DMD: variants seen among roughly 807,000 people sequenced by gnomAD.
DMD encodes the protein dystrophin, also known as mutant dystrophin.
DMD carries 63 observed loss-of-function variants against 330.1 expected under a neutral mutation model. The ratio of observed to expected loss-of-function variants is 0.19; its 90% CI spans 0.16 to 0.24. The LOEUF (loss-of-function observed/expected upper bound fraction) is 0.24, where lower values mean the gene tolerates loss of function less well. Among genes scored for constraint, DMD ranks in the 10% least tolerant of loss-of-function variants. The pLI is 1.00. For missense variants in DMD, 3,344 were observed against 2,684.1 expected (o/e 1.25, Z -5.43); for synonymous variants, 1,223 against 959.8 (o/e 1.27, Z -5.07).
chrX:32,366,771 G>A (rs1367093546), intron 34 of DMD, among the ~76,000 whole-genome samples: 1 of 111,838 alleles, frequency 8.9e-6, no homozygotes, highest in African/African-American at 3.2e-5. Flanking sequence ...CTTTGGCATC[G>A]GATAAACAGG....
At chrX:31,873,920 T>A (rs1436901285) in intron 48 of DMD, among the ~76,000 whole-genome samples, 1 of 111,562 alleles carries the variant, frequency 9.0e-6, no homozygotes, top group African/African-American at 3.3e-5. Context: ...CAAGTAAGCA[T>A]CATTTACTGG....
intron 60 of DMD, among the ~76,000 whole-genome samples, chrX:31,393,869 GTTC>G (rs2060796963): frequency 8.9e-6 from 1 of 111,871 alleles, no homozygotes; most frequent in Admixed American, 9.5e-5. Flanking sequence ...ATAAACTAGC[GTTC>G]TTATCAGCCC....
At chrX:32,718,316 T>C (rs1006540253) in intron 7 of DMD, among the ~76,000 whole-genome samples, 6 of 110,844 alleles carry the variant, frequency 5.4e-5, no homozygotes, top group African/African-American at 2.0e-4. Flanking sequence ...TCTCATGATA[T>C]CTGGTTGTGT....
At position 33,010,081 on chromosome X, in the gene DMD, C is replaced by T. The variant is rs200488236; in HGVS notation, c.93+10058G>A. 5.1e-5 allele frequency among the ~76,000 whole-genome samples: 3 copies of T among 58,381 alleles called. 1 individual carries two copies. Among genetic ancestry groups the T allele is most frequent in the African/African-American group, 8.7e-5 (1 of 11,542 alleles). The allele number at this position is 58,381 out of a possible 115,157, so 50.7% of individuals were successfully genotyped here. On this transcript the variant is annotated intron_variant, in intron 2 of 78. Coordinates refer to ENST00000357033, the MANE Select transcript of DMD (RefSeq NM_004006.3). Reference sequence around the variant, plus strand: ...ACGTGTATATATACACAAATGTGCACATGTGTATATATACATGTATATGCA... The same window carrying T: ...ACGTGTATATATACACAAATGTGCATATGTGTATATATACATGTATATGCA...
chrX:32,178,975 T>TCTCTCTCC (rs1211320996), intron 44 of DMD, among the ~76,000 whole-genome samples: 2 of 97,652 alleles, frequency 2.0e-5, no homozygotes, highest in Non-Finnish European at 4.1e-5. Context: ...TCTCTCTCTC[T>TCTCTCTCC]CTCTCTCCCT....
intron 44 of DMD, among the ~76,000 whole-genome samples, chrX:32,142,504 T>G (rs936826012): frequency 8.9e-6 from 1 of 112,526 alleles, no homozygotes; most frequent in African/African-American, 3.2e-5. Context: ...GTTAAGAATA[T>G]GCACTGAATA....
intron 60 of DMD, among the ~76,000 whole-genome samples, chrX:31,370,760 C>A (rs1443763427): frequency 8.9e-6 from 1 of 111,992 alleles, no homozygotes; most frequent in Non-Finnish European, 1.9e-5. Flanking sequence ...TCACAATAGT[C>A]CAAAACTACA....
chrX:33,271,678 A>G (rs2053157296), intron 1 of DMD, among the ~76,000 whole-genome samples: 1 of 102,499 alleles, frequency 9.8e-6, no homozygotes, highest in Non-Finnish European at 2.0e-5. Flanking sequence ...AGGCAGGAGA[A>G]TTGCTTGAAC....
chrX:31,599,973 C>T (rs1048295465), intron 55 of DMD, among the ~76,000 whole-genome samples: 2 of 111,466 alleles, frequency 1.8e-5, no homozygotes, highest in African/African-American at 6.5e-5. Context: ...CTCTGTCATC[C>T]AGGCTGGAGT....
At chrX:33,118,766 G>C (rs1433843524) in intron 1 of DMD, among the ~76,000 whole-genome samples, 1 of 111,535 alleles carries the variant, frequency 9.0e-6, no homozygotes, top group Non-Finnish European at 1.9e-5. Context: ...TTACATCATG[G>C]GTATTACATT....
chrX:31,889,064 TTTG>T (rs1449762476), intron 47 of DMD, among the ~76,000 whole-genome samples: 5 of 111,973 alleles, frequency 4.5e-5, no homozygotes, highest in African/African-American at 1.6e-4. Context: ...ACACATGGAT[TTTG>T]TTATTTTTCT....
At chrX:31,755,600 C>T (rs973969952) in intron 51 of DMD, among the ~76,000 whole-genome samples, 2 of 111,558 alleles carry the variant, frequency 1.8e-5, no homozygotes, top group Non-Finnish European at 3.8e-5. Context: ...TAGTGTTGAT[C>T]TAGGGCAATT....
intron 7 of DMD, among the ~76,000 whole-genome samples, chrX:32,721,449 A>C (rs948563935): frequency 3.6e-4 from 40 of 109,929 alleles, no homozygotes; most frequent in African/African-American, 1.3e-3. Flanking sequence ...GCATTTCCCT[A>C]ATAGTGATAT....
intron 1 of DMD, among the ~76,000 whole-genome samples, chrX:33,247,181 C>G (rs769523956): frequency 8.9e-6 from 1 of 111,801 alleles, no homozygotes; most frequent in Non-Finnish European, 1.9e-5. Context: ...TGTAGTTAAA[C>G]TTTTATATTC....
At chrX:33,008,515 A>G (rs1456860662) in intron 2 of DMD, among the ~76,000 whole-genome samples, 1 of 110,725 alleles carries the variant, frequency 9.0e-6, no homozygotes, top group East Asian at 2.9e-4. Context: ...AAAGCACAAA[A>G]GAGAGATTGA....
chrX:31,357,107 A>G (rs1210656716), intron 60 of DMD, among the ~76,000 whole-genome samples: 1 of 111,106 alleles, frequency 9.0e-6, no homozygotes, highest in Non-Finnish European at 1.9e-5. Flanking sequence ...ACCTTACAAC[A>G]TCATTACATT....
At position 31,898,711 on chromosome X, in the gene DMD, T is replaced by C. The variant is rs2094382229; in HGVS notation, c.6913-23338A>G. ...TACAATTTCTTTTCTTAAGGAATGA[T>C]GGTTTGAGTAATCCTTTAGGGTTTT... On this transcript the variant is annotated intron_variant, in intron 47 of 78. Coordinates refer to ENST00000357033, the MANE Select transcript of DMD (RefSeq NM_004006.3). Among the ~76,000 whole-genome samples the C allele has an allele frequency of 2.7e-5, 3 of 112,323 alleles. No individual in the cohort carries two copies. In the Admixed American group the frequency reaches 2.8e-4, roughly 11 times the overall value.
intron 11 of DMD, among the ~76,000 whole-genome samples, chrX:32,629,590 C>T (rs73209803): frequency 0.017 from 1,844 of 109,819 alleles, 30 homozygotes; most frequent in African/African-American, 0.054. Context: ...GTTTTGTGGC[C>T]TTCTCTTCAT....
intron 1 of DMD, chrX:33,041,270 T>G (rs765667836): frequency 9.4e-6 from 6 of 641,298 alleles, no homozygotes; most frequent in Non-Finnish European, 1.5e-5. Flanking sequence ...TAAAAACTCC[T>G]TAAGTGGCCG....
Sources: gnomAD v4.1 joint callset for allele counts (sites outside exome capture counted in the v4.1 genomes callset) on GRCh38, gnomAD v4.1.1 for gene constraint, MANE v1.5 for transcripts, NCBI Gene and HGNC (gene_info 2026-07-23, HGNC 2026-07-21) for gene names.